Variants in RDX observed in about 807,000 individuals in gnomAD.
The protein encoded by RDX is radixin.
In RDX, 32 loss-of-function variants were observed where a neutral mutation model predicts 83.7. The observed-to-expected ratio is 0.38, with a 90% confidence interval of 0.29 to 0.51. The LOEUF (loss-of-function observed/expected upper bound fraction) is 0.51. Ranked by LOEUF, RDX falls within the 20% of genes least tolerant of loss-of-function variation. RDX has a pLI of 0.87. For missense variants in RDX, 600 were observed against 689.9 expected (o/e 0.87, Z 1.46); for synonymous variants, 229 against 222.7 (o/e 1.03, Z -0.25).
intron 3 of RDX, among the ~76,000 whole-genome samples, chr11:110,267,517 CACACACA>C (rs1359546313): frequency 2.2e-5 from 1 of 44,682 alleles, no homozygotes; most frequent in Non-Finnish European, 4.6e-5. Flanking sequence ...CGTCTCAAAA[CACACACA>C]CACACACACA....
chr11:110,199,742 T>G (rs539226251), intron 14 of RDX: 2 of 702,590 alleles, frequency 2.8e-6, no homozygotes, highest in African/African-American at 3.5e-5. Context: ...GGAAGCTGAA[T>G]GGGCAGGCTG....
At chr11:110,212,694 TA>T (rs1322003589) in intron 14 of RDX, among the ~76,000 whole-genome samples, 1 of 96,022 alleles carries the variant, frequency 1.0e-5, no homozygotes, top group Non-Finnish European at 2.0e-5. Context: ...CGCAAATCAA[TA>T]AATGTAATCC....
rs1430373606 is a variant in RDX at position 110,257,829 on chromosome 11, T to C, written c.636A>G (p.Lys212=). 4.3e-6 allele frequency: 7 copies of C among 1,612,520 alleles called. No homozygotes were observed. Among genetic ancestry groups the C allele is most frequent in the Admixed American group, 3.3e-5 (2 of 60,008 alleles). Residue 212 remains lysine (K), a synonymous_variant, in exon 7 of 14, where the codon AAA becomes AAG. Coordinates refer to ENST00000645495, the MANE Select transcript of RDX (RefSeq NM_002906.4). The stretch of plus-strand genomic sequence containing the variant: ...CAACACCTAGCCACAATTCAGTTCC[T>C]TTTTTATTTTTTATTTCAAAATAGT... The part of the protein sequence containing the change: ...GVNYFEIKNK[K]GTELWLGVDA...
chr11:110,265,214 C>CA (rs1207345124), intron 3 of RDX, among the ~76,000 whole-genome samples: 1 of 151,504 alleles, frequency 6.6e-6, no homozygotes, highest in Admixed American at 6.6e-5. Flanking sequence ...CCTCAGCCTC[C>CA]AAAGTAGCTG....
chr11:110,217,429 A>C (rs1043913643), intron 14 of RDX, among the ~76,000 whole-genome samples: 9 of 152,202 alleles, frequency 5.9e-5, no homozygotes, highest in African/African-American at 1.4e-4. Flanking sequence ...GCGCCTGTCA[A>C]GCGCTAACAT....
At chr11:110,218,572 G>A (rs538626890) in intron 14 of RDX, among the ~76,000 whole-genome samples, 5 of 152,240 alleles carry the variant, frequency 3.3e-5, no homozygotes, top group African/African-American at 1.2e-4. Flanking sequence ...AAAAAGAAAT[G>A]TCACAGGCAC....
At chr11:110,198,810 C>T (rs1291899406) in intron 15 of RDX, among the ~76,000 whole-genome samples, 1 of 143,722 alleles carries the variant, frequency 7.0e-6, no homozygotes, top group African/African-American at 2.6e-5. Context: ...TTAAGTAAAT[C>T]TGAATACGTC....
chr11:110,233,063 T>C (rs1184047910), intron 13 of RDX, among the ~76,000 whole-genome samples, 174 bp downstream of exon 13: 1 of 152,234 alleles, frequency 6.6e-6, no homozygotes, highest in Non-Finnish European at 1.5e-5. Flanking sequence ...TATTTGCTAA[T>C]GGGTTCACAC....
At chr11:110,293,087 GAA>G (rs903922747) in intron 1 of RDX, among the ~76,000 whole-genome samples, 1 of 152,142 alleles carries the variant, frequency 6.6e-6, no homozygotes, top group African/African-American at 2.4e-5. Context: ...GAAAACATGA[GAA>G]ATATGATTTA....
Position 110,236,203 on chromosome 11 carries a change from A to G in RDX, c.1252-12T>C, listed in dbSNP as rs776603279. The G allele has an allele frequency of 6.3e-6, 10 of 1,593,128 alleles. No individual in the cohort carries two copies. The highest frequency in any genetic ancestry group is 6.9e-6 in the Non-Finnish European group (8 of 1,161,770). ...GCAAGTTCTGCTGCCTAAAGTAAAC[A>G]ATATAATTCCAAAATTAAAATAACA... On this transcript the variant is annotated splice_polypyrimidine_tract_variant and intron_variant, in intron 11 of 13. Coordinates refer to ENST00000645495, the MANE Select transcript of RDX (RefSeq NM_002906.4).
At chr11:110,275,973 C>T (rs552130665) in intron 2 of RDX, among the ~76,000 whole-genome samples, 48 of 151,754 alleles carry the variant, frequency 3.2e-4, no homozygotes, top group African/African-American at 1.1e-3. Context: ...TTAGTATAAA[C>T]GGGCCAGTAT....
chr11:110,178,423 T>A (rs1237076248), intron 15 of RDX, among the ~76,000 whole-genome samples: 1 of 152,134 alleles, frequency 6.6e-6, no homozygotes, highest in African/African-American at 2.4e-5. Flanking sequence ...GGGAGAGAAC[T>A]AAGGGTCACC....
intron 14 of RDX, among the ~76,000 whole-genome samples, chr11:110,223,267 G>A (rs1425314252): frequency 6.6e-6 from 1 of 152,068 alleles, no homozygotes; most frequent in Non-Finnish European, 1.5e-5. Context: ...GCAGAAGAAT[G>A]GCGTGAACCC....
intron 14 of RDX, among the ~76,000 whole-genome samples, chr11:110,224,390 G>A (rs1383327691): frequency 6.6e-6 from 1 of 152,088 alleles, no homozygotes; most frequent in African/African-American, 2.4e-5. Context: ...AACATACACA[G>A]ATATTAAGCC....
intron 14 of RDX, among the ~76,000 whole-genome samples, chr11:110,201,605 G>A (rs1591507112): frequency 6.6e-6 from 1 of 152,112 alleles, no homozygotes; most frequent in African/African-American, 2.4e-5. Flanking sequence ...AAAATCACAT[G>A]AGCTGGATAT....
chr11:110,188,709 C>T (rs1042433909), intron 15 of RDX, among the ~76,000 whole-genome samples: 1 of 152,144 alleles, frequency 6.6e-6, no homozygotes, highest in Non-Finnish European at 1.5e-5. Context: ...TTATGGCATT[C>T]TCAAAGAAAT....
chr11:110,195,081 CCCGGGTT>C (rs1458000557), intron 15 of RDX, among the ~76,000 whole-genome samples: 8 of 152,102 alleles, frequency 5.3e-5, no homozygotes, highest in African/African-American at 1.9e-4. Flanking sequence ...ACCTCCACCT[CCCGGGTT>C]CAAGCGATTC....
Position 110,182,318 on chromosome 11 carries a change from G to A in RDX, c.*32-7084C>T, listed in dbSNP as rs555204554. ...GGTCAGAAATATTTGTTGAATGAAT[G>A]TGGCCGGGCATGGTGGCTCATGCCT... is the stretch of plus-strand genomic sequence containing the variant. On this transcript the variant is annotated intron_variant, in intron 15 of 15. Transcript: ENST00000528498. Among the ~76,000 whole-genome samples the A allele has an allele frequency of 1.4e-4, 22 of 152,264 alleles. No individual in the cohort carries two copies. The South Asian group carries it at 4.3e-3, about 30-fold the overall frequency.
At position 110,199,063 on chromosome 11, in the gene RDX, C is replaced by T. The variant is rs1207495019; in HGVS notation, c.*31+518G>A. ...CTCCTGACCTCAGGTGATCCACCTG[C>T]CTCCACCTCTGAAAGTGCTGGGATT... is the stretch of plus-strand genomic sequence containing the variant. On this transcript the variant is annotated intron_variant, in intron 15 of 15. Coordinates refer to the RDX transcript ENST00000528498. 3.3e-5 allele frequency among the ~76,000 whole-genome samples: 5 copies of T among 152,278 alleles called. No homozygotes were observed. In the East Asian group the frequency reaches 5.8e-4, roughly 18 times the overall value.
Sources: gnomAD v4.1 joint callset for allele counts (sites outside exome capture counted in the v4.1 genomes callset) on GRCh38, gnomAD v4.1.1 for gene constraint, MANE v1.5 for transcripts, NCBI Gene and HGNC (gene_info 2026-07-23, HGNC 2026-07-21) for gene names.